TPD52L2: variants seen among roughly 807,000 people sequenced by gnomAD.
TPD52L2 encodes the protein tumor protein D54.
A neutral mutation model predicts 24.7 loss-of-function variants in TPD52L2; 19 were observed. The observed-to-expected ratio is 0.77, with a 90% CI of 0.54 to 1.13. The LOEUF is 1.13. TPD52L2 is among the 50% of genes most tolerant of loss of function. The probability of loss-of-function intolerance (pLI) is 0.00; values close to 1 mark genes in which losing one functional copy is unlikely to be tolerated. For synonymous variants in TPD52L2, 104 were observed against 100.2 expected, an observed-to-expected ratio of 1.04 and a Z score of -0.23; for missense variants, 236 against 250.4, an observed-to-expected ratio of 0.94 and a Z score of 0.39.
At chr20:63,871,325 G>A (rs150411466) in intron 2 of TPD52L2, among the ~76,000 whole-genome samples, 74 of 149,806 alleles carry the variant, frequency 4.9e-4, no homozygotes, top group Non-Finnish European at 6.1e-4. Context: ...TTACAAATGC[G>A]AGCCGCTGTA....
chr20:63,886,522 C>G (rs957578301), intron 5 of TPD52L2, among the ~76,000 whole-genome samples: 5 of 152,048 alleles, frequency 3.3e-5, no homozygotes, highest in Admixed American at 6.6e-5. Context: ...CCGCCACGCC[C>G]GGCTAATTTT....
intron 2 of TPD52L2, among the ~76,000 whole-genome samples, chr20:63,872,416 C>A (rs2052502598): frequency 6.6e-6 from 1 of 152,268 alleles, no homozygotes; most frequent in East Asian, 1.9e-4. Flanking sequence ...CTCGGTCTGT[C>A]ACCTAGGCTG....
intron 5 of TPD52L2, among the ~76,000 whole-genome samples, chr20:63,886,396 T>C (rs1288960353): frequency 3.3e-5 from 5 of 151,958 alleles, no homozygotes; most frequent in African/African-American, 9.7e-5. Flanking sequence ...AGTCTTGCTC[T>C]GTCGCCCAGG....
chr20:63,866,710 C>T (rs534534058), intron 1 of TPD52L2, among the ~76,000 whole-genome samples: 46 of 150,608 alleles, frequency 3.1e-4, no homozygotes, highest in Non-Finnish European at 5.5e-4. Context: ...CTGCTTACCT[C>T]GGCCTCCCAA....
chr20:63,887,546 TG>T (rs1430191569), intron 5 of TPD52L2: 1 of 1,613,420 alleles, frequency 6.2e-7, no homozygotes, highest in African/African-American at 1.3e-5. Context: ...TCTCTGCTTC[TG>T]CCATGCTTCC....
At chr20:63,889,152 T>G in intron 5 of TPD52L2, 38 bp from the exon 6 acceptor site, 2 of 1,601,652 alleles carry the variant, frequency 1.2e-6, no homozygotes. Context: ...CACAACCCTC[T>G]CCTCTTGACA....
At chr20:63,867,813 CA>C (rs1195687151) in intron 1 of TPD52L2, among the ~76,000 whole-genome samples, 2 of 142,350 alleles carry the variant, frequency 1.4e-5, no homozygotes, top group Admixed American at 7.0e-5. Context: ...GAGACAGTCT[CA>C]AAAAAAAGAG....
At chr20:63,876,690 C>T (rs775418490) in intron 4 of TPD52L2, 5 of 442,388 alleles carry the variant, frequency 1.1e-5, no homozygotes, top group Non-Finnish European at 1.8e-5. Flanking sequence ...CAGTTGCTGC[C>T]GAGCTTGTCT....
chr20:63,875,143 A>G, intron 3 of TPD52L2, among the ~76,000 whole-genome samples: 1 of 139,312 alleles, frequency 7.2e-6, no homozygotes, highest in East Asian at 2.3e-4. Flanking sequence ...CTCTGTCTCA[A>G]AAAAAAAAAA....
At chr20:63,866,953 AC>A (rs1337292164) in intron 1 of TPD52L2, among the ~76,000 whole-genome samples, 6 of 140,548 alleles carry the variant, frequency 4.3e-5, no homozygotes, top group Non-Finnish European at 3.1e-5. Flanking sequence ...TGGTCTTTCT[AC>A]TTTTTTTTTT....
chr20:63,886,601 G>T (rs1206514524), intron 5 of TPD52L2, among the ~76,000 whole-genome samples: 1 of 151,592 alleles, frequency 6.6e-6, no homozygotes, highest in Non-Finnish European at 1.5e-5. Context: ...CGCCCGCCTC[G>T]GCCTCCCAAA....
At chr20:63,867,734 G>A (rs1600776792) in intron 1 of TPD52L2, among the ~76,000 whole-genome samples, 1 of 151,484 alleles carries the variant, frequency 6.6e-6, no homozygotes, top group Non-Finnish European at 1.5e-5. Flanking sequence ...ATTTAATCTG[G>A]TGTCTTTGTG....
chr20:63,871,243 A>G (rs968279414), intron 2 of TPD52L2, among the ~76,000 whole-genome samples: 2 of 151,892 alleles, frequency 1.3e-5, no homozygotes, highest in East Asian at 1.9e-4. Context: ...GAGTTTCACC[A>G]TGTTGGCCAG....
intron 3 of TPD52L2, among the ~76,000 whole-genome samples, chr20:63,874,455 C>T (rs913495972): frequency 2.0e-5 from 3 of 151,584 alleles, no homozygotes; most frequent in African/African-American, 4.9e-5. Context: ...TTCACTGCAA[C>T]CTCAACCTCC....
intron 2 of TPD52L2, 85 bp from the exon 3 acceptor site, chr20:63,873,583 T>C (rs2052547798): frequency 1.4e-6 from 2 of 1,469,658 alleles, no homozygotes; most frequent in Non-Finnish European, 1.8e-6. Context: ...GGAAAGTTCT[T>C]GTGTAACTCA....
At chr20:63,889,075 G>A (rs2053235832) in intron 5 of TPD52L2, 115 bp from the exon 6 acceptor site, 24 of 851,922 alleles carry the variant, frequency 2.8e-5, no homozygotes, top group Non-Finnish European at 4.6e-5. Context: ...ATGAGATCTT[G>A]GGATGTTGTT....
At chr20:63,873,877 C>T (rs893384568) in intron 3 of TPD52L2, 61 bp downstream of exon 3, 39 of 1,408,810 alleles carry the variant, frequency 2.8e-5, no homozygotes, top group East Asian at 1.9e-4. Context: ...ACACGTGCCC[C>T]GGCATGTGGG....
Position 63,875,012 on chromosome 20 carries a change from C to T in TPD52L2, c.315-804C>T, listed in dbSNP as rs930260394. Among the ~76,000 whole-genome samples the T allele has an allele frequency of 7.2e-5, 11 of 151,960 alleles. No homozygotes were observed. The South Asian group carries it at 1.0e-3, about 14-fold the overall frequency. Reference sequence around the variant, plus strand: ...AAAAATTTAGCTGGGCGTGGTGGTGCGCACCTGTGATCTCGGCTACTAGGG... The same window carrying T: ...AAAAATTTAGCTGGGCGTGGTGGTGTGCACCTGTGATCTCGGCTACTAGGG... On this transcript the variant is annotated intron_variant, in intron 3 of 6. Coordinates refer to ENST00000346249, the MANE Select transcript of TPD52L2 (RefSeq NM_003288.4).
At position 63,877,460 on chromosome 20, in the gene TPD52L2, G is replaced by A. The variant is rs1216391449; in HGVS notation, c.374+1585G>A. On this transcript the variant is annotated intron_variant, in intron 4 of 6. Transcript: ENST00000346249. The surrounding 1 kb of genome is among the most constrained non-coding windows in gnomAD (Gnocchi z 4.1). ...AGGCGTGACCCACTGCACCCGGCTT[G>A]AGCAGGGTGTTCTAGGGACCCTGGT... Among the ~76,000 whole-genome samples the A allele has an allele frequency of 6.6e-6, 1 of 152,164 alleles. No individual in the cohort carries two copies. Among genetic ancestry groups the A allele is most frequent in the Non-Finnish European group, 1.5e-5 (1 of 68,024 alleles).
Sources: gnomAD v4.1 joint callset for allele counts (sites outside exome capture counted in the v4.1 genomes callset) on GRCh38, gnomAD v4.1.1 for gene constraint, Gnocchi (gnomAD v3.1) non-coding constraint, MANE v1.5 for transcripts, NCBI Gene and HGNC (gene_info 2026-07-23, HGNC 2026-07-21) for gene names.